ACBD3: variants seen among roughly 807,000 people sequenced by gnomAD.
ACBD3 encodes the protein acyl-CoA binding domain containing 3, also known as Golgi resident protein GCP60.
ACBD3 carries 30 observed loss-of-function variants against 66.9 expected under a neutral mutation model. The observed-to-expected ratio is 0.45, with a 90% confidence interval of 0.34 to 0.61. The LOEUF (loss-of-function observed/expected upper bound fraction) is 0.61, where lower values mean the gene tolerates loss of function less well. Ranked by LOEUF, ACBD3 falls within the 20% of genes least tolerant of loss-of-function variation. ACBD3 has a pLI of 0.02. For synonymous variants in ACBD3, 278 were observed against 259.8 expected, an observed-to-expected ratio of 1.07 and a Z score of -0.68; for missense variants, 544 against 664.5, an observed-to-expected ratio of 0.82 and a Z score of 1.99.
At chr1:226,172,004 A>G (rs1660002464) in intron 1 of ACBD3, among the ~76,000 whole-genome samples, 1 of 151,640 alleles carries the variant, frequency 6.6e-6, no homozygotes, top group Non-Finnish European at 1.5e-5. Context: ...AAAATACAAA[A>G]ATTAGCCAGG....
chr1:226,186,410 A>G lies in ACBD3; in HGVS notation c.266T>C (p.Leu89Pro). The change falls in exon 1 of 8, where the codon CTG (leucine) becomes CCG (proline). Residue 89 changes from leucine (L) to proline (P), a missense_variant. Around this residue, in one of 3 missense-constraint regions of ACBD3, gnomAD observed 137 missense variants for 145.9 expected, o/e 0.94. Coordinates refer to ENST00000366812, the MANE Select transcript of ACBD3 (RefSeq NM_022735.4). Reference protein sequence around the residue: ...WGFGLEELYGLALRFFKEKDG... With the variant: ...WGFGLEELYGPALRFFKEKDG... ...CTCACCTTTGAAGAAGCGCAGTGCC[A>G]GGCCGTACAACTCCTCCAGGCCGAA... 6.6e-7 allele frequency: 1 copy of G among 1,523,884 alleles called. No homozygotes were observed. Among genetic ancestry groups the G allele is most frequent in the East Asian group, 2.8e-5 (1 of 36,360 alleles). The allele number at this position is 1,523,884 out of a possible 1,614,324, so 94.4% of individuals were successfully genotyped here.
At chr1:226,167,677 C>T (rs1256850477) in intron 1 of ACBD3, among the ~76,000 whole-genome samples, 1 of 152,058 alleles carries the variant, frequency 6.6e-6, no homozygotes, top group African/African-American at 2.4e-5. Context: ...GGGGAGGGCA[C>T]TTGAAAGTAG....
chr1:226,153,572 C>A (rs935151263), intron 6 of ACBD3, among the ~76,000 whole-genome samples: 1 of 152,166 alleles, frequency 6.6e-6, no homozygotes, highest in African/African-American at 2.4e-5. Context: ...ACCTCTCTCT[C>A]CATCACCGTA....
chr1:226,176,196 G>T (rs1479842975), intron 1 of ACBD3, among the ~76,000 whole-genome samples: 1 of 152,180 alleles, frequency 6.6e-6, no homozygotes, highest in Non-Finnish European at 1.5e-5. Context: ...GGGAAGCCGA[G>T]GCGGGTGGAT....
At chr1:226,182,205 T>C (rs917103901) in intron 1 of ACBD3, among the ~76,000 whole-genome samples, 1 of 151,260 alleles carries the variant, frequency 6.6e-6, no homozygotes, top group Non-Finnish European at 1.5e-5. Context: ...CCCTCTAGCC[T>C]GCATAACAAA....
chr1:226,159,367 A>G lies in ACBD3; in HGVS notation c.729-9T>C, dbSNP rs761596582. The G allele has an allele frequency of 1.9e-5, 31 of 1,613,590 alleles. No individual in the cohort carries two copies. Among genetic ancestry groups the G allele is most frequent in the Non-Finnish European group, 3.4e-6 (4 of 1,179,682 alleles). ...CTGCCATTATCTGCTGCCTAAAAACATTAAAAATATATATACTAGTCTGGC... is the reference window on the plus strand; with the variant it reads ...CTGCCATTATCTGCTGCCTAAAAACGTTAAAAATATATATACTAGTCTGGC... On this transcript the variant is annotated splice_polypyrimidine_tract_variant and intron_variant, in intron 4 of 7. Transcript: ENST00000366812.
intron 1 of ACBD3, among the ~76,000 whole-genome samples, chr1:226,184,768 G>C (rs1308687752): frequency 6.6e-6 from 1 of 151,484 alleles, no homozygotes; most frequent in Non-Finnish European, 1.5e-5. Flanking sequence ...CATGATCTCG[G>C]CTCACTGCAA....
At chr1:226,170,831 G>A (rs765033395) in intron 1 of ACBD3, among the ~76,000 whole-genome samples, 5 of 152,166 alleles carry the variant, frequency 3.3e-5, no homozygotes, top group Non-Finnish European at 5.9e-5. Context: ...CCAGGCTGGA[G>A]GGCAGTGGCA....
chr1:226,154,635 T>C lies in ACBD3; in HGVS notation c.1090+12A>G, dbSNP rs768802522. The C allele has an allele frequency of 6.2e-7, 1 of 1,605,004 alleles. No individual in the cohort carries two copies. The highest frequency in any genetic ancestry group is 1.7e-5 in the Admixed American group (1 of 58,746). ...ATTATGACATCTGGACAAACACATA[T>C]GCAAAACCTACCTTTTGGTCCATTC... On this transcript the variant is annotated intron_variant, in intron 6 of 7. Coordinates refer to ENST00000366812, the MANE Select transcript of ACBD3 (RefSeq NM_022735.4).
At chr1:226,170,439 G>A (rs1366213940) in intron 1 of ACBD3, among the ~76,000 whole-genome samples, 1 of 147,952 alleles carries the variant, frequency 6.8e-6, no homozygotes, top group Admixed American at 6.9e-5. Flanking sequence ...CTCCCAAAGT[G>A]CTGAGATTAC....
In ACBD3 at chr1:226,152,401, C is replaced by G. The variant is rs901006594; in HGVS notation, c.1309G>C (p.Asp437His). 1 of 1,614,212 alleles carries G rather than the reference C, an allele frequency of 6.2e-7. No individual in the cohort carries two copies. Among genetic ancestry groups the G allele is most frequent in the African/African-American group, 1.3e-5 (1 of 75,062 alleles). ...IGFGVYFEWTDSPNTAVSVHV... is the reference protein window; with the variant it reads ...IGFGVYFEWTHSPNTAVSVHV... ...ACGCTGACAGCAGTGTTTGGAGAGT[C>G]TGTCCATTCAAAATACACCCCAAAC... The change falls in exon 7 of 8, where the codon GAC becomes CAC. Residue 437 changes from aspartate to histidine, a missense_variant. Around this residue, in one of 3 missense-constraint regions of ACBD3, gnomAD observed 383 missense variants for 462.4 expected, o/e 0.83. Transcript: ENST00000366812.
At chr1:226,178,791 T>A (rs1656110037) in intron 1 of ACBD3, among the ~76,000 whole-genome samples, 1 of 152,254 alleles carries the variant, frequency 6.6e-6, no homozygotes, top group South Asian at 2.1e-4. Flanking sequence ...TCTCAAATCC[T>A]CTCTACAATA....
At chr1:226,175,785 T>G (rs1197329692) in intron 1 of ACBD3, among the ~76,000 whole-genome samples, 1 of 152,242 alleles carries the variant, frequency 6.6e-6, no homozygotes, top group Non-Finnish European at 1.5e-5. Flanking sequence ...TGACTATTTT[T>G]CATTATAAAT....
intron 1 of ACBD3, among the ~76,000 whole-genome samples, chr1:226,185,878 G>A (rs1252171768): frequency 6.6e-6 from 1 of 152,146 alleles, no homozygotes; most frequent in Admixed American, 6.5e-5. Context: ...AATCTGCCGG[G>A]GGATCAAGTC....
chr1:226,161,630 T>C lies in ACBD3; in HGVS notation c.629A>G (p.Glu210Gly), dbSNP rs776176717. 3.7e-6 allele frequency: 6 copies of C among 1,613,602 alleles called. No individual in the cohort carries two copies. The highest frequency in any genetic ancestry group is 5.1e-6 in the Non-Finnish European group (6 of 1,179,862). Residue 210 changes from glutamate to glycine, a missense_variant, in exon 4 of 8, where the codon GAG becomes GGG. Glu to Gly is a moderately conservative substitution (Grantham distance 98). This residue lies in a region of ACBD3 where 383 missense variants were observed against 462.4 expected (regional missense o/e 0.83). Coordinates refer to ENST00000366812, the MANE Select transcript of ACBD3 (RefSeq NM_022735.4). ...EEEERERLQK[E>G]EEKRRREEEE... ...TTCTTCTCTCCTACGTTTCTCTTCC[T>C]CCTTTTGCAGACGTTCTCTTTCTTC... is the stretch of plus-strand genomic sequence containing the variant.
At chr1:226,151,547 G>C (rs1051672954) in intron 7 of ACBD3, among the ~76,000 whole-genome samples, 2 of 152,022 alleles carry the variant, frequency 1.3e-5, no homozygotes, top group Non-Finnish European at 2.9e-5. Context: ...AGCAAAATAG[G>C]GATTTCCAAA....
intron 7 of ACBD3, 77 bp downstream of exon 7, chr1:226,152,258 T>G: frequency 6.5e-7 from 1 of 1,546,946 alleles, no homozygotes. Context: ...AGCATAAGGC[T>G]GGGTGACACC....
chr1:226,154,526 AT>A (rs1417362437), intron 6 of ACBD3, 120 bp downstream of exon 6: 1 of 1,174,596 alleles, frequency 8.5e-7, no homozygotes, highest in African/African-American at 1.5e-5. Flanking sequence ...GAGTAAAAAA[AT>A]GTTCAACTCT....
chr1:226,159,572 T>G (rs989518800), intron 4 of ACBD3, among the ~76,000 whole-genome samples: 1 of 152,122 alleles, frequency 6.6e-6, no homozygotes, highest in Non-Finnish European at 1.5e-5. Context: ...CCAGGAAAAT[T>G]CGGGATGGAA....
Sources: allele counts gnomAD v4.1 joint callset (sites outside exome capture counted in the v4.1 genomes callset), GRCh38; gene constraint gnomAD v4.1.1; regional missense constraint gnomAD v4.1.1; transcripts MANE v1.5; gene names NCBI Gene and HGNC (gene_info 2026-07-23, HGNC 2026-07-21).